The following RALYL variants were observed in gnomAD, a reference collection of about 807,000 sequenced individuals.
RALYL encodes RALY RNA binding protein like.
Under a neutral mutation model 35.1 loss-of-function variants are expected in RALYL, and 29 were observed. The ratio of observed to expected loss-of-function variants is 0.83; its 90% CI spans 0.61 to 1.13. RALYL has a LOEUF of 1.13. Among genes scored for constraint, RALYL ranks in the 50% most tolerant of loss-of-function variants. The probability of loss-of-function intolerance (pLI) is 0.00; values close to 1 mark genes in which losing one functional copy is unlikely to be tolerated. For synonymous variants in RALYL, 120 were observed against 127.6 expected (o/e 0.94, Z 0.40); for missense variants, 359 against 360.4 (o/e 1.00, Z 0.03).
chr8:84,536,907 A>AT (rs1213221626), intron 2 of RALYL, among the ~76,000 whole-genome samples: 2 of 152,086 alleles, frequency 1.3e-5, no homozygotes, highest in African/African-American at 4.8e-5. Flanking sequence ...AAATCTTGGA[A>AT]TTTTTCTTAA....
Position 84,350,708 on chromosome 8 carries a change from C to A in RALYL, c.-24+166284C>A, listed in dbSNP as rs1288937482. On this transcript the variant is annotated intron_variant, in intron 1 of 8. Transcript: ENST00000521268. The stretch of plus-strand genomic sequence containing the variant: ...TATTGGGACAATACTGCCAAATAAG[C>A]AAAACACAAATAAAACTGTCCAGTG... Among the ~76,000 whole-genome samples, 5 of 149,980 alleles carry A rather than the reference C, an allele frequency of 3.3e-5. 1 individual carries two copies. The highest frequency in any genetic ancestry group is 7.4e-5 in the Non-Finnish European group (5 of 67,682).
intron 4 of RALYL, among the ~76,000 whole-genome samples, chr8:84,831,345 G>A (rs2134392596): frequency 6.6e-6 from 1 of 151,684 alleles, no homozygotes; most frequent in Admixed American, 6.6e-5. Context: ...TTGTGGGAAA[G>A]GATTGTAACA....
chr8:84,555,367 A>G (rs1249006301), intron 2 of RALYL, among the ~76,000 whole-genome samples: 1 of 152,172 alleles, frequency 6.6e-6, no homozygotes, highest in Non-Finnish European at 1.5e-5. Context: ...TCTAGACAGT[A>G]ATTTCCATGA....
chr8:84,504,964 C>T (rs894673747), intron 1 of RALYL, among the ~76,000 whole-genome samples: 10 of 152,018 alleles, frequency 6.6e-5, no homozygotes, highest in African/African-American at 2.2e-4. Context: ...ATGTAAGTCA[C>T]CAATGGGGAA....
intron 1 of RALYL, among the ~76,000 whole-genome samples, chr8:84,336,264 T>C (rs1847784783): frequency 6.6e-6 from 1 of 152,184 alleles, no homozygotes; most frequent in Non-Finnish European, 1.5e-5. Context: ...CTAGATCTAC[T>C]GGAGCTGAGA....
At chr8:84,636,813 A>ACCAT (rs1825166289) in intron 2 of RALYL, among the ~76,000 whole-genome samples, 1 of 151,916 alleles carries the variant, frequency 6.6e-6, no homozygotes, top group Admixed American at 6.6e-5. Context: ...GAGGAGGGAA[A>ACCAT]CCATATACCA....
intron 2 of RALYL, among the ~76,000 whole-genome samples, chr8:84,667,679 A>G (rs1483761965): frequency 6.6e-6 from 1 of 152,056 alleles, no homozygotes; most frequent in African/African-American, 2.4e-5. Flanking sequence ...TTGGTCAATG[A>G]CAGCCACTTC....
intron 2 of RALYL, among the ~76,000 whole-genome samples, chr8:84,702,530 C>CTT (rs1174952299): frequency 7.1e-6 from 1 of 141,786 alleles, no homozygotes; most frequent in Non-Finnish European, 1.5e-5. Flanking sequence ...GTCTCTCTCT[C>CTT]TCTCTCTCTC....
rs184488445 is a variant in RALYL at position 84,918,071 on chromosome 8, G to A, written c.859-2823G>A. ...TTTTCTATAAAGTGTTATGTGACCT[G>A]TCTTACCTACAGTTTCTTTCACCTT... On this transcript the variant is annotated intron_variant, in intron 8 of 8. Transcript: ENST00000521268. Among the ~76,000 whole-genome samples the A allele has an allele frequency of 2.6e-5, 4 of 152,056 alleles. No individual in the cohort carries two copies. In the East Asian group the frequency reaches 7.7e-4, roughly 29 times the overall value.
intron 2 of RALYL, among the ~76,000 whole-genome samples, chr8:84,668,994 CATTT>C (rs1832652504): frequency 1.3e-5 from 2 of 151,424 alleles, no homozygotes; most frequent in African/African-American, 4.8e-5. Flanking sequence ...TCCATCCATC[CATTT>C]ATTCATTCAT....
rs1414730671 is a variant in RALYL, at chr8:84,335,728, TC to T, written c.-24+151306del. The stretch of plus-strand genomic sequence containing the variant: ...TCTTACCTTTTTTTTTTTTTTTTTT[TC>T]CAAGACCTGATTTTGCCAAATCATT... On this transcript the variant is annotated intron_variant, in intron 1 of 8. Coordinates refer to ENST00000521268, the MANE Select transcript of RALYL (RefSeq NM_173848.7). Among the ~76,000 whole-genome samples, 685 of 140,840 alleles carry T rather than the reference TC, an allele frequency of 4.9e-3. 8 individuals are homozygous for T. Among genetic ancestry groups the T allele is most frequent in the African/African-American group, 0.016 (628 of 39,102 alleles). The allele number at this position is 140,840 out of a possible 152,430, so 92.4% of individuals were successfully genotyped here.
intron 2 of RALYL, among the ~76,000 whole-genome samples, chr8:84,730,300 C>T (rs11991705): frequency 0.33 from 49,903 of 151,796 alleles, 9,773 homozygotes; most frequent in African/African-American, 0.55. Context: ...ATTATCTCAA[C>T]AGATGCAGAA....
intron 2 of RALYL, chr8:84,678,882 G>A (rs927173384): frequency 3.1e-5 from 6 of 194,066 alleles, no homozygotes; most frequent in African/African-American, 7.1e-5. Flanking sequence ...GAATGAAGAG[G>A]ATACTGCCTT....
At chr8:84,768,252 G>A (rs1332326316) in intron 2 of RALYL, among the ~76,000 whole-genome samples, 1 of 152,092 alleles carries the variant, frequency 6.6e-6, no homozygotes, top group Non-Finnish European at 1.5e-5. Flanking sequence ...TCCCTTCAAG[G>A]CCAACAGCTC....
intron 1 of RALYL, among the ~76,000 whole-genome samples, chr8:84,341,425 G>A (rs1848762052): frequency 6.6e-6 from 1 of 151,806 alleles, no homozygotes; most frequent in East Asian, 1.9e-4. Context: ...ATTGCTACCT[G>A]AGACATAAAC....
intron 1 of RALYL, among the ~76,000 whole-genome samples, chr8:84,468,527 G>C (rs1176786647): frequency 1.3e-5 from 2 of 149,328 alleles, no homozygotes; most frequent in Non-Finnish European, 3.0e-5. Context: ...TTAGTCTGAT[G>C]GGCTTCCCTT....
chr8:84,889,411 C>G (rs751787897), intron 8 of RALYL, among the ~76,000 whole-genome samples: 1 of 152,180 alleles, frequency 6.6e-6, no homozygotes, highest in Admixed American at 6.5e-5. Flanking sequence ...TTTTCATAAG[C>G]TGACCACTTC....
intron 2 of RALYL, among the ~76,000 whole-genome samples, chr8:84,574,408 T>G (rs374241064): frequency 2.0e-5 from 3 of 152,066 alleles, no homozygotes; most frequent in African/African-American, 7.2e-5. Context: ...TCAGGGAGAC[T>G]CCTATGCAGA....
intron 1 of RALYL, 122 bp from the exon 2 acceptor site, chr8:84,529,177 C>T (rs767729793): frequency 9.2e-5 from 86 of 933,232 alleles, no homozygotes; most frequent in Non-Finnish European, 1.2e-4. Context: ...ATCATTAATA[C>T]TTAGGGATTG....
Sources: allele counts gnomAD v4.1 joint callset (sites outside exome capture counted in the v4.1 genomes callset), GRCh38; gene constraint gnomAD v4.1.1; transcripts MANE v1.5; gene names NCBI Gene and HGNC (gene_info 2026-07-23, HGNC 2026-07-21).